ANKS1B: variants seen among roughly 807,000 people sequenced by gnomAD.
ANKS1B encodes ankyrin repeat and sterile alpha motif domain containing 1B, also known as ankyrin repeat and sterile alpha motif domain-containing protein 1B.
A neutral mutation model predicts 148.3 loss-of-function variants in ANKS1B; 36 were observed. The observed-to-expected ratio is 0.24, with a 90% CI of 0.19 to 0.32. The LOEUF (loss-of-function observed/expected upper bound fraction) is 0.32. Among genes scored for constraint, ANKS1B ranks in the 10% least tolerant of loss-of-function variants. The pLI is 1.00. For missense variants in ANKS1B, 1,157 were observed against 1,542.6 expected, an observed-to-expected ratio of 0.75 and a Z score of 4.19; for synonymous variants, 542 against 560.8, an observed-to-expected ratio of 0.97 and a Z score of 0.47.
At chr12:98,803,297 A>AT (rs1481063614) in intron 20 of ANKS1B, among the ~76,000 whole-genome samples, 1 of 152,178 alleles carries the variant, frequency 6.6e-6, no homozygotes, top group Non-Finnish European at 1.5e-5. Context: ...TTCTGGAAAC[A>AT]TGCAGCTATG....
chr12:98,852,171 G>A (rs2153773541), intron 17 of ANKS1B, among the ~76,000 whole-genome samples: 1 of 152,126 alleles, frequency 6.6e-6, no homozygotes, highest in Non-Finnish European at 1.5e-5. Flanking sequence ...AATTCAAATA[G>A]TGAGGATAAG....
At chr12:99,469,586 A>G (rs1361178761) in intron 10 of ANKS1B, among the ~76,000 whole-genome samples, 1 of 152,106 alleles carries the variant, frequency 6.6e-6, no homozygotes, top group Non-Finnish European at 1.5e-5. Context: ...TCAGGACTCA[A>G]TTTTTGAACA....
At chr12:99,694,708 T>C (rs1033364494) in intron 8 of ANKS1B, among the ~76,000 whole-genome samples, 1 of 152,056 alleles carries the variant, frequency 6.6e-6, no homozygotes, top group East Asian at 1.9e-4. Flanking sequence ...GAGTTAATGG[T>C]TTTCAACAAA....
At chr12:99,113,331 A>G (rs914504249) in intron 15 of ANKS1B, among the ~76,000 whole-genome samples, 2 of 152,186 alleles carry the variant, frequency 1.3e-5, no homozygotes, top group Non-Finnish European at 1.5e-5. Flanking sequence ...CTGCCGTTTG[A>G]TATGACTTAG....
intron 17 of ANKS1B, among the ~76,000 whole-genome samples, chr12:98,948,775 C>CCCA (rs1555530360): frequency 2.0e-4 from 30 of 147,512 alleles, no homozygotes; most frequent in African/African-American, 7.8e-4. Context: ...ACACCCCCCC[C>CCCA]CACACACACA....
chr12:99,716,733 C>T (rs545754415), intron 8 of ANKS1B, among the ~76,000 whole-genome samples: 7 of 152,170 alleles, frequency 4.6e-5, no homozygotes, highest in African/African-American at 1.4e-4. Flanking sequence ...CAATGCAAAT[C>T]GTCCCAAATC....
At chr12:98,805,511 GA>G (rs2099044415) in intron 20 of ANKS1B, among the ~76,000 whole-genome samples, 1 of 152,176 alleles carries the variant, frequency 6.6e-6, no homozygotes, top group African/African-American at 2.4e-5. Flanking sequence ...GGGTGAGTCT[GA>G]AGGACTATAA....
intron 12 of ANKS1B, among the ~76,000 whole-genome samples, chr12:99,398,966 T>C (rs533166266): frequency 3.3e-4 from 51 of 152,284 alleles, no homozygotes; most frequent in African/African-American, 1.2e-3. Context: ...ATTGTATTTG[T>C]CTTTAACCCT....
At chr12:99,280,927 A>G (rs997774020) in intron 12 of ANKS1B, among the ~76,000 whole-genome samples, 2 of 151,256 alleles carry the variant, frequency 1.3e-5, no homozygotes, top group Non-Finnish European at 2.9e-5. Context: ...ACGTGCGCAC[A>G]TACACACACA....
rs192583796 is a variant in ANKS1B at position 98,842,618 on chromosome 12, C to T, written c.2779-10482G>A. Among the ~76,000 whole-genome samples, 6 of 152,220 alleles carry T rather than the reference C, an allele frequency of 3.9e-5. No homozygotes were observed. In the East Asian group the frequency reaches 1.2e-3, roughly 29 times the overall value. ...AGTTGTTTTTGAAAAAAGAATAATG[C>T]TGGGAGAATGCATTCAGTATGCAGT... On this transcript the variant is annotated intron_variant, in intron 17 of 26. Transcript: ENST00000683438.
In ANKS1B at chr12:99,717,087, T is replaced by C. The variant is rs568792317; in HGVS notation, c.1128+55835A>G. ...CATTTAGGCTCTTTTTCATCAAATA[T>C]AAAAACTCAGCCCAGTTCATGGCTC... On this transcript the variant is annotated intron_variant, in intron 8 of 26. Coordinates refer to ENST00000683438, the MANE Select transcript of ANKS1B (RefSeq NM_001352186.2). Among the ~76,000 whole-genome samples the C allele has an allele frequency of 1.2e-4, 19 of 152,300 alleles. No individual in the cohort carries two copies. The East Asian group carries it at 2.1e-3, about 17-fold the overall frequency.
At chr12:98,761,034 C>G (rs2098394338) in intron 25 of ANKS1B, among the ~76,000 whole-genome samples, 3 of 152,206 alleles carry the variant, frequency 2.0e-5, no homozygotes, top group Admixed American at 1.3e-4. Context: ...CCTTACAACA[C>G]CTTACAGAGG....
intron 11 of ANKS1B, among the ~76,000 whole-genome samples, chr12:99,438,765 T>C (rs1371773744): frequency 6.6e-6 from 1 of 151,896 alleles, no homozygotes; most frequent in African/African-American, 2.4e-5. Flanking sequence ...GCCTACATTG[T>C]AGTTAATGTT....
At chr12:99,536,526 T>G (rs745927120) in intron 9 of ANKS1B, among the ~76,000 whole-genome samples, 4 of 152,164 alleles carry the variant, frequency 2.6e-5, no homozygotes, top group Non-Finnish European at 4.4e-5. Context: ...GGGAATAGTT[T>G]TGTGAAAATA....
chr12:98,789,383 T>TTTCAGC (rs1199356461), intron 22 of ANKS1B, among the ~76,000 whole-genome samples: 2 of 150,320 alleles, frequency 1.3e-5, no homozygotes, highest in African/African-American at 4.9e-5. Flanking sequence ...ATAGAGTTAA[T>TTTCAGC]AAGATCAGGG....
intron 8 of ANKS1B, among the ~76,000 whole-genome samples, chr12:99,770,410 G>A (rs1601798070): frequency 6.6e-6 from 1 of 151,970 alleles, no homozygotes; most frequent in Non-Finnish European, 1.5e-5. Context: ...ACCTATATTA[G>A]GTGACCTGTA....
At chr12:99,386,088 A>G (rs748782848) in intron 12 of ANKS1B, among the ~76,000 whole-genome samples, 1 of 151,450 alleles carries the variant, frequency 6.6e-6, no homozygotes, top group Non-Finnish European at 1.5e-5. Flanking sequence ...GTGCTAATAG[A>G]GAGAACACAG....
intron 8 of ANKS1B, among the ~76,000 whole-genome samples, chr12:99,754,781 A>G (rs1182113611): frequency 6.6e-6 from 1 of 152,164 alleles, no homozygotes; most frequent in Non-Finnish European, 1.5e-5. Context: ...GCAGCAATCA[A>G]TAAGTTATTT....
chr12:99,712,866 C>A (rs1258150535), intron 8 of ANKS1B, among the ~76,000 whole-genome samples: 5 of 151,668 alleles, frequency 3.3e-5, no homozygotes, highest in Admixed American at 6.6e-5. Flanking sequence ...GAGGGTCCAT[C>A]CTCTGGGCCC....
Sources: allele counts gnomAD v4.1 joint callset (sites outside exome capture counted in the v4.1 genomes callset), GRCh38; gene constraint gnomAD v4.1.1; transcripts MANE v1.5; gene names NCBI Gene and HGNC (gene_info 2026-07-23, HGNC 2026-07-21).